The following PSD3 variants were observed in gnomAD, a reference collection of about 807,000 sequenced individuals.
The protein encoded by PSD3 is PH and SEC7 domain-containing protein 3.
Under a neutral mutation model 105.5 loss-of-function variants are expected in PSD3, and 49 were observed. The ratio of observed to expected loss-of-function variants is 0.46; its 90% confidence interval spans 0.37 to 0.59. The LOEUF (loss-of-function observed/expected upper bound fraction) is 0.59, where lower values mean the gene tolerates loss of function less well. Ranked by LOEUF, PSD3 falls within the 20% of genes least tolerant of loss-of-function variation. The pLI is 0.00. For synonymous variants in PSD3, 557 were observed against 457.8 expected, an observed-to-expected ratio of 1.22 and a Z score of -2.77; for missense variants, 1,561 against 1,263.8, an observed-to-expected ratio of 1.24 and a Z score of -3.57.
At chr8:18,595,272 ATGT>A (rs1277605972) in intron 12 of PSD3, among the ~76,000 whole-genome samples, 3 of 103,560 alleles carry the variant, frequency 2.9e-5, no homozygotes, top group East Asian at 5.0e-4. Flanking sequence ...GAATAAAGAA[ATGT>A]TATTACAAAA....
intron 9 of PSD3, among the ~76,000 whole-genome samples, chr8:18,749,883 G>A (rs1321151898): frequency 2.0e-5 from 3 of 152,238 alleles, no homozygotes; most frequent in Non-Finnish European, 2.9e-5. Context: ...TGACCACACA[G>A]AACTTAATCC....
intron 8 of PSD3, among the ~76,000 whole-genome samples, chr8:18,768,304 T>C (rs1414417937): frequency 6.6e-6 from 1 of 150,556 alleles, no homozygotes; most frequent in Non-Finnish European, 1.5e-5. Context: ...AATAAATAAT[T>C]AAAAATAAAT....
intron 1 of PSD3, among the ~76,000 whole-genome samples, chr8:19,025,886 C>T (rs1827534076): frequency 6.6e-6 from 1 of 152,044 alleles, no homozygotes; most frequent in South Asian, 2.1e-4. Context: ...TTAGTCTGTT[C>T]CCACACTACC....
intron 1 of PSD3, among the ~76,000 whole-genome samples, chr8:19,067,378 G>A (rs75221597): frequency 6.6e-6 from 1 of 152,264 alleles, no homozygotes; most frequent in East Asian, 1.9e-4. Context: ...TCATTTGAGG[G>A]ATAAGAAAAT....
intron 9 of PSD3, among the ~76,000 whole-genome samples, chr8:18,659,743 T>C (rs868864327): frequency 6.6e-6 from 1 of 152,320 alleles, no homozygotes; most frequent in African/African-American, 2.4e-5. Flanking sequence ...TTGGTGAGGA[T>C]GATGGGCTGG....
At chr8:19,028,189 T>G (rs571982786) in intron 1 of PSD3, among the ~76,000 whole-genome samples, 1 of 152,018 alleles carries the variant, frequency 6.6e-6, no homozygotes, top group African/African-American at 2.4e-5. Flanking sequence ...TAAATGATAC[T>G]GAGCATCCAT....
At chr8:18,716,755 C>A (rs2129424589) in intron 9 of PSD3, among the ~76,000 whole-genome samples, 1 of 152,314 alleles carries the variant, frequency 6.6e-6, no homozygotes, top group East Asian at 1.9e-4. Flanking sequence ...GCTTGATTTA[C>A]ATCAATAGCT....
chr8:18,914,097 T>C (rs116808878), intron 2 of PSD3, among the ~76,000 whole-genome samples: 1,986 of 150,658 alleles, frequency 0.013, 57 homozygotes, highest in African/African-American at 0.045. Context: ...AAGGCTCCAA[T>C]AGCAAGCCTA....
Position 18,527,880 on chromosome 8 carries a change from T to C in PSD3, c.*7863A>G, listed in dbSNP as rs1259857982. 2.0e-5 allele frequency: 3 copies of C among 152,196 alleles called. No individual in the cohort carries two copies. The highest frequency in any genetic ancestry group is 4.4e-5 in the Non-Finnish European group (3 of 68,040). 9.4% of individuals were successfully genotyped at this position (152,196 alleles called of 1,614,324 possible). On this transcript the variant is annotated 3_prime_UTR_variant, in exon 16 of 16. Transcript: ENST00000327040. ...CATTGAAAAGGAGCAGGCTGCTATT[T>C]TGTCACTAATTACTTTCACAATTTG...
intron 12 of PSD3, among the ~76,000 whole-genome samples, chr8:18,599,640 A>C (rs1804290150): frequency 6.6e-6 from 1 of 152,162 alleles, no homozygotes; most frequent in African/African-American, 2.4e-5. Context: ...AATGGGCTTG[A>C]ACTGTACAGA....
chr8:18,890,952 ACT>A (rs1389244333), intron 2 of PSD3, among the ~76,000 whole-genome samples: 1 of 151,944 alleles, frequency 6.6e-6, no homozygotes, highest in Non-Finnish European at 1.5e-5. Context: ...TTTCTAAGAA[ACT>A]CTCTACCAGT....
intron 1 of PSD3, among the ~76,000 whole-genome samples, chr8:19,004,045 GA>G (rs1170058046): frequency 6.6e-6 from 1 of 152,008 alleles, no homozygotes; most frequent in African/African-American, 2.4e-5. Context: ...CTAGAAATCT[GA>G]AACCAGGTAA....
chr8:18,881,265 G>A (rs1280635346), intron 2 of PSD3, among the ~76,000 whole-genome samples: 2 of 152,156 alleles, frequency 1.3e-5, no homozygotes, highest in African/African-American at 4.8e-5. Flanking sequence ...GGAGTGCTTT[G>A]GGTTATATAT....
chr8:18,967,028 G>T (rs1824301931), intron 1 of PSD3, among the ~76,000 whole-genome samples: 1 of 152,140 alleles, frequency 6.6e-6, no homozygotes, highest in African/African-American at 2.4e-5. Flanking sequence ...CAATCTGCTT[G>T]CCTGGTCCAA....
At chr8:19,073,774 T>C (rs892403686) in intron 1 of PSD3, among the ~76,000 whole-genome samples, 5 of 148,512 alleles carry the variant, frequency 3.4e-5, no homozygotes, top group Non-Finnish European at 4.5e-5. Context: ...TATTCAAACA[T>C]CAGAATTGTG....
intron 8 of PSD3, among the ~76,000 whole-genome samples, chr8:18,769,677 CA>C (rs1807329781): frequency 6.6e-6 from 1 of 152,182 alleles, no homozygotes; most frequent in Non-Finnish European, 1.5e-5. Flanking sequence ...CACAAATCTG[CA>C]TTTTCTTTAT....
intron 1 of PSD3, among the ~76,000 whole-genome samples, chr8:19,061,826 C>T (rs1028299050): frequency 6.6e-6 from 1 of 151,830 alleles, no homozygotes; most frequent in African/African-American, 2.4e-5. Context: ...AAAATCACTT[C>T]CCAGACTTTA....
chr8:18,936,654 A>C (rs954106762), intron 1 of PSD3, among the ~76,000 whole-genome samples: 5 of 151,618 alleles, frequency 3.3e-5, no homozygotes, highest in African/African-American at 1.2e-4. Context: ...GCTACTCTGG[A>C]GGCTGAGGCA....
chr8:18,804,445 G>A (rs1217489750), intron 6 of PSD3, 77 bp downstream of exon 6: 1 of 1,257,018 alleles, frequency 8.0e-7, no homozygotes. Context: ...TAAGATTCTA[G>A]CTAGAAGACA....
Sources: allele counts gnomAD v4.1 joint callset (sites outside exome capture counted in the v4.1 genomes callset), GRCh38; gene constraint gnomAD v4.1.1; transcripts MANE v1.5; gene names NCBI Gene and HGNC (gene_info 2026-07-23, HGNC 2026-07-21).